The following VAV3 variants were observed in gnomAD, a reference collection of about 807,000 sequenced individuals.
The protein encoded by VAV3 is vav guanine nucleotide exchange factor 3, also known as guanine nucleotide exchange factor VAV3.
In VAV3, 94 loss-of-function variants were observed where a neutral mutation model predicts 131.2. The observed-to-expected ratio is 0.72, with a 90% CI of 0.61 to 0.85. The LOEUF is 0.85. Among genes scored for constraint, VAV3 ranks in the 40% least tolerant of loss-of-function variants. The probability of loss-of-function intolerance (pLI) is 0.00; values close to 1 mark genes in which losing one functional copy is unlikely to be tolerated. For synonymous variants in VAV3, 349 were observed against 342.0 expected, an observed-to-expected ratio of 1.02 and a Z score of -0.22; for missense variants, 939 against 1,002.7, an observed-to-expected ratio of 0.94 and a Z score of 0.86.
chr1:107,784,002 G>C (rs972791640), intron 2 of VAV3, among the ~76,000 whole-genome samples: 6 of 152,070 alleles, frequency 3.9e-5, no homozygotes, highest in African/African-American at 1.4e-4. Context: ...GGGGCTTGCA[G>C]TGAGCTGAGA....
At chr1:107,707,100 ATTG>A (rs1406789125) in intron 15 of VAV3, among the ~76,000 whole-genome samples, 1 of 152,256 alleles carries the variant, frequency 6.6e-6, no homozygotes, top group Non-Finnish European at 1.5e-5. Flanking sequence ...TTCTGAAAAT[ATTG>A]TTAACAGTAG....
chr1:107,699,346 C>T (rs1659947162), intron 17 of VAV3, among the ~76,000 whole-genome samples: 1 of 152,260 alleles, frequency 6.6e-6, no homozygotes, highest in Admixed American at 6.5e-5. Flanking sequence ...CTCCATGTCT[C>T]ATATCCAGGT....
intron 2 of VAV3, among the ~76,000 whole-genome samples, chr1:107,859,910 A>C (rs1669658256): frequency 6.6e-6 from 1 of 152,210 alleles, no homozygotes; most frequent in Non-Finnish European, 1.5e-5. Context: ...TGGATATTAA[A>C]TAATACCAGG....
intron 1 of VAV3, among the ~76,000 whole-genome samples, chr1:107,953,829 G>A (rs1004736816): frequency 2.0e-5 from 3 of 152,286 alleles, no homozygotes; most frequent in Non-Finnish European, 2.9e-5. Flanking sequence ...TGGAAGGTGA[G>A]TATCAAGTGT....
chr1:107,646,133 A>G (rs183974833), intron 19 of VAV3, among the ~76,000 whole-genome samples: 19 of 152,170 alleles, frequency 1.2e-4, no homozygotes, highest in African/African-American at 4.3e-4. Flanking sequence ...ACCATACTTC[A>G]AAGGATGCTG....
At chr1:107,960,827 T>C (rs541773317) in intron 1 of VAV3, among the ~76,000 whole-genome samples, 16 of 152,318 alleles carry the variant, frequency 1.1e-4, no homozygotes, top group African/African-American at 3.8e-4. Flanking sequence ...GAGAGGACTT[T>C]CTTGACTACC....
At chr1:107,956,305 T>C (rs1370792576) in intron 1 of VAV3, among the ~76,000 whole-genome samples, 2 of 152,224 alleles carry the variant, frequency 1.3e-5, no homozygotes, top group African/African-American at 4.8e-5. Context: ...TACAGAGTGA[T>C]CTGGAGAGTC....
chr1:107,913,043 A>T (rs989528566), intron 1 of VAV3, among the ~76,000 whole-genome samples: 29 of 152,344 alleles, frequency 1.9e-4, no homozygotes, highest in African/African-American at 6.7e-4. Flanking sequence ...AAGCTATTGT[A>T]ATCTTTTTCA....
At position 107,768,449 on chromosome 1, in the gene VAV3, T is replaced by C; in HGVS notation, c.709A>G (p.Asn237Asp). 1.2e-6 allele frequency: 2 copies of C among 1,611,486 alleles called. No individual in the cohort carries two copies. Among genetic ancestry groups the C allele is most frequent in the Non-Finnish European group, 1.7e-6 (2 of 1,178,796 alleles). Reference sequence around the variant, plus strand: ...AGCATATTTTTACTCACAGGAATGTTGATGAATACTGAATCAAATTCTGCT... The same window carrying C: ...AGCATATTTTTACTCACAGGAATGTCGATGAATACTGAATCAAATTCTGCT... The part of the protein sequence containing the change: ...TAAEFDSVFI[N>D]IPELVKLHRN... The change falls in exon 7 of 27, where the codon AAC (asparagine) becomes GAC (aspartate). Residue 237 changes from asparagine (N) to aspartate (D), a missense_variant. Asn to Asp is a conservative substitution (Grantham distance 23). Coordinates refer to ENST00000370056, the MANE Select transcript of VAV3 (RefSeq NM_006113.5).
At chr1:107,689,780 A>G (rs1487390142) in intron 17 of VAV3, among the ~76,000 whole-genome samples, 8 of 152,182 alleles carry the variant, frequency 5.3e-5, no homozygotes, top group Admixed American at 5.2e-4. Context: ...AACGTTTCAG[A>G]AGAAAGATCG....
At chr1:107,941,685 T>C (rs2101271486) in intron 1 of VAV3, among the ~76,000 whole-genome samples, 1 of 152,304 alleles carries the variant, frequency 6.6e-6, no homozygotes, top group South Asian at 2.1e-4. Context: ...TGAGAAAACT[T>C]CAGAGGCTCC....
chr1:107,719,254 A>G (rs559075262), intron 15 of VAV3, among the ~76,000 whole-genome samples: 1 of 152,234 alleles, frequency 6.6e-6, no homozygotes, highest in Non-Finnish European at 1.5e-5. Context: ...AGAAACTGCC[A>G]TCAGAGTGAA....
chr1:107,757,404 A>G, intron 10 of VAV3, 75 bp from the exon 11 acceptor site: 1 of 1,215,960 alleles, frequency 8.2e-7, no homozygotes, highest in Non-Finnish European at 1.2e-6. Context: ...CATTTTTACA[A>G]ATAAACCATT....
chr1:107,672,858 A>T (rs556359740), intron 19 of VAV3, among the ~76,000 whole-genome samples: 1 of 152,324 alleles, frequency 6.6e-6, no homozygotes, highest in South Asian at 2.1e-4. Flanking sequence ...CTATCTAATG[A>T]CTTATAGTGA....
chr1:107,638,671 A>T (rs1175094922), intron 20 of VAV3, among the ~76,000 whole-genome samples: 1 of 152,162 alleles, frequency 6.6e-6, no homozygotes, highest in Non-Finnish European at 1.5e-5. Context: ...TGAAGTTGAC[A>T]AGGTGATCGC....
At chr1:107,613,888 G>A (rs1182800002) in intron 21 of VAV3, among the ~76,000 whole-genome samples, 1 of 151,950 alleles carries the variant, frequency 6.6e-6, no homozygotes, top group African/African-American at 2.4e-5. Context: ...ACGGAGTCTC[G>A]CTCTGTCACC....
At chr1:107,958,339 T>C (rs1373794384) in intron 1 of VAV3, among the ~76,000 whole-genome samples, 1 of 152,214 alleles carries the variant, frequency 6.6e-6, no homozygotes, top group Non-Finnish European at 1.5e-5. Flanking sequence ...TTGGAATTCA[T>C]GCCTCAATGC....
intron 1 of VAV3, among the ~76,000 whole-genome samples, chr1:107,939,384 A>G (rs1199360970): frequency 6.6e-6 from 1 of 152,186 alleles, no homozygotes; most frequent in Admixed American, 6.5e-5. Context: ...CATTCAGTAG[A>G]AACTGTACTT....
At chr1:107,795,920 T>G (rs971801066) in intron 2 of VAV3, among the ~76,000 whole-genome samples, 1 of 152,200 alleles carries the variant, frequency 6.6e-6, no homozygotes, top group African/African-American at 2.4e-5. Context: ...CAATTCCTGA[T>G]TCCCATACTG....
Sources: allele counts gnomAD v4.1 joint callset (sites outside exome capture counted in the v4.1 genomes callset), GRCh38; gene constraint gnomAD v4.1.1; transcripts MANE v1.5; gene names NCBI Gene and HGNC (gene_info 2026-07-23, HGNC 2026-07-21).